Variants in ACBD6 observed in about 807,000 individuals in gnomAD.
ACBD6 encodes acyl-CoA-binding domain-containing protein 6.
In ACBD6, 28 loss-of-function variants were observed where a neutral mutation model predicts 37.2. The ratio of observed to expected loss-of-function variants is 0.75; its 90% confidence interval spans 0.56 to 1.03. ACBD6 has a LOEUF of 1.03. Among genes scored for constraint, ACBD6 ranks in the 50% least tolerant of loss-of-function variants. The probability of loss-of-function intolerance (pLI) is 0.00; values close to 1 mark genes in which losing one functional copy is unlikely to be tolerated. For synonymous variants in ACBD6, 113 were observed against 126.8 expected, an observed-to-expected ratio of 0.89 and a Z score of 0.73; for missense variants, 340 against 337.4, an observed-to-expected ratio of 1.01 and a Z score of -0.06.
At chr1:180,372,790 G>T (rs971908647) in intron 6 of ACBD6, among the ~76,000 whole-genome samples, 1 of 152,168 alleles carries the variant, frequency 6.6e-6, no homozygotes, top group African/African-American at 2.4e-5. Context: ...CATGGGTACA[G>T]ACTGAACATC....
intron 3 of ACBD6, among the ~76,000 whole-genome samples, chr1:180,484,134 G>T (rs980617599): frequency 3.3e-5 from 5 of 152,052 alleles, no homozygotes; most frequent in African/African-American, 1.2e-4. Context: ...TCAGAACAGG[G>T]TTACCTCATG....
In ACBD6 at chr1:180,373,071, G is replaced by A. The variant is rs1571421910; in HGVS notation, c.663+24445C>T. On this transcript the variant is annotated intron_variant, in intron 6 of 7. Transcript: ENST00000367595. ...AATTAGCTAGGCCGAGAGTCACCCCGAGCTCCTCATGGATCATGTTATTTT... is the reference window on the plus strand; with the variant it reads ...AATTAGCTAGGCCGAGAGTCACCCCAAGCTCCTCATGGATCATGTTATTTT... Among the ~76,000 whole-genome samples, 5 of 152,156 alleles carry A rather than the reference G, an allele frequency of 3.3e-5. No individual in the cohort carries two copies. In the South Asian group the frequency reaches 8.3e-4, roughly 25 times the overall value.
chr1:180,448,027 C>CTTAA (rs1649541058), intron 3 of ACBD6, among the ~76,000 whole-genome samples: 1 of 152,198 alleles, frequency 6.6e-6, no homozygotes, highest in South Asian at 2.1e-4. Context: ...TGGGAAAATG[C>CTTAA]TTAACATCCC....
At chr1:180,347,281 C>T (rs1279405863) in intron 6 of ACBD6, among the ~76,000 whole-genome samples, 1 of 150,032 alleles carries the variant, frequency 6.7e-6, no homozygotes. Flanking sequence ...CTGTTTGCTT[C>T]TATACGGCTA....
At chr1:180,489,820 C>T (rs1042049651) in intron 3 of ACBD6, among the ~76,000 whole-genome samples, 3 of 151,952 alleles carry the variant, frequency 2.0e-5, no homozygotes, top group Non-Finnish European at 4.4e-5. Flanking sequence ...CCATTGCTGG[C>T]TAATTTTTGC....
chr1:180,333,652 T>A (rs1211793268), intron 6 of ACBD6, among the ~76,000 whole-genome samples: 2 of 151,664 alleles, frequency 1.3e-5, no homozygotes, highest in Admixed American at 1.3e-4. Flanking sequence ...CACTGGGGAG[T>A]GTCAGAAAGT....
chr1:180,414,831 G>A (rs1648008269), intron 4 of ACBD6, among the ~76,000 whole-genome samples: 1 of 152,188 alleles, frequency 6.6e-6, no homozygotes, highest in Non-Finnish European at 1.5e-5. Flanking sequence ...AAGAGAAAAT[G>A]CTTTTTCGAT....
At chr1:180,353,953 A>G (rs1652521315) in intron 6 of ACBD6, among the ~76,000 whole-genome samples, 2 of 152,182 alleles carry the variant, frequency 1.3e-5, no homozygotes, top group Admixed American at 6.5e-5. Flanking sequence ...ATGGATTTCT[A>G]TTGCATTCCT....
intron 6 of ACBD6, among the ~76,000 whole-genome samples, chr1:180,367,266 ATT>A (rs1018262308): frequency 1.3e-5 from 2 of 152,190 alleles, no homozygotes; most frequent in African/African-American, 4.8e-5. Flanking sequence ...GAATGAATAA[ATT>A]TGTTTCATTA....
chr1:180,469,877 T>C (rs1450453097), intron 3 of ACBD6, among the ~76,000 whole-genome samples: 2 of 152,184 alleles, frequency 1.3e-5, no homozygotes, highest in African/African-American at 2.4e-5. Flanking sequence ...TATACTTGCA[T>C]TGCACTCTAC....
rs189815297 is a variant in ACBD6 at position 180,464,748 on chromosome 1, A to G, written c.384+27521T>C. ...GCCAAGACAATCCTAAGCAAAAAGA[A>G]AAAAGCCAGAGAAATCACATTACCC... On this transcript the variant is annotated intron_variant, in intron 3 of 7. Transcript: ENST00000367595. Among the ~76,000 whole-genome samples, 28 of 152,272 alleles carry G rather than the reference A, an allele frequency of 1.8e-4. No individual in the cohort carries two copies. The East Asian group carries it at 5.0e-3, about 27-fold the overall frequency.
chr1:180,471,592 A>T (rs919708798), intron 3 of ACBD6, among the ~76,000 whole-genome samples: 1 of 152,102 alleles, frequency 6.6e-6, no homozygotes, highest in Non-Finnish European at 1.5e-5. Context: ...TGACGGCAAG[A>T]GAAAAATGAA....
At chr1:180,348,508 T>G (rs1652278620) in intron 6 of ACBD6, among the ~76,000 whole-genome samples, 1 of 152,164 alleles carries the variant, frequency 6.6e-6, no homozygotes, top group Non-Finnish European at 1.5e-5. Flanking sequence ...GTTTCAGAAT[T>G]TGAGGTTGTG....
intron 3 of ACBD6, among the ~76,000 whole-genome samples, chr1:180,491,361 A>G (rs1452629948): frequency 6.6e-6 from 1 of 152,234 alleles, no homozygotes; most frequent in Non-Finnish European, 1.5e-5. Flanking sequence ...CTTAAATAGT[A>G]ACCTCACCTT....
In ACBD6 at chr1:180,384,438, A is replaced by G. The variant is rs188449365; in HGVS notation, c.663+13078T>C. 3.1e-3 allele frequency among the ~76,000 whole-genome samples: 470 copies of G among 152,316 alleles called. 1 individual carries two copies. Among genetic ancestry groups the G allele is most frequent in the Non-Finnish European group, 4.9e-3 (330 of 68,008 alleles). On this transcript the variant is annotated intron_variant, in intron 6 of 7. Coordinates refer to ENST00000367595, the MANE Select transcript of ACBD6 (RefSeq NM_032360.4). ...ATCACTAATCATCAGGGAAATGTAAATCAAGACCACGAGATACCATCTTAT... is the reference window on the plus strand; with the variant it reads ...ATCACTAATCATCAGGGAAATGTAAGTCAAGACCACGAGATACCATCTTAT...
intron 7 of ACBD6, among the ~76,000 whole-genome samples, chr1:180,295,584 A>G (rs1373101111): frequency 6.6e-6 from 1 of 151,996 alleles, no homozygotes; most frequent in African/African-American, 2.4e-5. Flanking sequence ...CCATTTTCCC[A>G]ACAGCATTTG....
At chr1:180,341,225 A>G (rs1217804564) in intron 6 of ACBD6, among the ~76,000 whole-genome samples, 1 of 152,190 alleles carries the variant, frequency 6.6e-6, no homozygotes, top group African/African-American at 2.4e-5. Context: ...AACAACCTAT[A>G]TATCTTAACA....
At chr1:180,388,220 C>T (rs1176603753) in intron 6 of ACBD6, among the ~76,000 whole-genome samples, 2 of 151,592 alleles carry the variant, frequency 1.3e-5, no homozygotes, top group Non-Finnish European at 1.5e-5. Context: ...GAAATCACCA[C>T]AGGGTCATTT....
intron 1 of ACBD6, 120 bp from the exon 2 acceptor site, chr1:180,495,645 T>C (rs779672962): frequency 3.9e-5 from 28 of 718,696 alleles, no homozygotes; most frequent in Non-Finnish European, 6.3e-5. Flanking sequence ...TGCATCTATA[T>C]GGAATAGCAA....
Sources: allele counts gnomAD v4.1 joint callset (sites outside exome capture counted in the v4.1 genomes callset), GRCh38; gene constraint gnomAD v4.1.1; transcripts MANE v1.5; gene names NCBI Gene and HGNC (gene_info 2026-07-23, HGNC 2026-07-21).